Variants in CEP295 observed in about 807,000 individuals in gnomAD.
CEP295 encodes centrosomal protein of 295 kDa.
A neutral mutation model predicts 291.6 loss-of-function variants in CEP295; 190 were observed. The ratio of observed to expected loss-of-function variants is 0.65; its 90% CI spans 0.58 to 0.73. The LOEUF (loss-of-function observed/expected upper bound fraction) is 0.73. CEP295 is among the 30% of genes least tolerant of loss of function. The pLI, the probability that CEP295 is intolerant of heterozygous loss-of-function variation, is 0.00. For synonymous variants in CEP295, 993 were observed against 1,038.8 expected (o/e 0.96, Z 0.85); for missense variants, 2,863 against 2,949.4 (o/e 0.97, Z 0.68).
intron 18 of CEP295, among the ~76,000 whole-genome samples, chr11:93,710,229 T>C (rs902805981): frequency 2.0e-5 from 3 of 152,346 alleles, no homozygotes; most frequent in Admixed American, 2.0e-4. Flanking sequence ...GGAAAGGCTT[T>C]CAGGTTTTCC....
intron 25 of CEP295, 60 bp downstream of exon 25, chr11:93,728,881 T>C: frequency 7.0e-7 from 1 of 1,420,152 alleles, no homozygotes; most frequent in Non-Finnish European, 9.4e-7. Context: ...GATTTGTCTC[T>C]TACAACTTAT....
chr11:93,720,466 T>A (rs1302031369), intron 18 of CEP295, among the ~76,000 whole-genome samples: 2 of 61,650 alleles, frequency 3.2e-5, no homozygotes, highest in Admixed American at 2.6e-4. Flanking sequence ...AGAGCGAGAG[T>A]CTGCCTCAAA....
chr11:93,701,996 G>C (rs1407461305), intron 15 of CEP295, among the ~76,000 whole-genome samples: 1 of 151,638 alleles, frequency 6.6e-6, no homozygotes, highest in Non-Finnish European at 1.5e-5. Context: ...CTGCTGCCCA[G>C]GCTGCAGGCT....
chr11:93,683,414 A>G (rs967186278), intron 7 of CEP295, 145 bp from the exon 8 acceptor site: 1 of 610,586 alleles, frequency 1.6e-6, no homozygotes. Flanking sequence ...TTGAATGAAT[A>G]AATGTCTGTC....
chr11:93,721,620 G>T (rs1433342240), intron 19 of CEP295: 2 of 750,738 alleles, frequency 2.7e-6, no homozygotes, highest in South Asian at 1.4e-5. Flanking sequence ...ACAGTTCTGA[G>T]AAGCAAAACT....
In CEP295 at chr11:93,675,676, TTA is replaced by T; in HGVS notation, c.624+12_624+13del. On this transcript the variant is annotated intron_variant, in intron 6 of 29. Transcript: ENST00000325212. Reference sequence around the variant, plus strand: ...GACAGACACAAAACGGGTGATTGACTTATTGTTTCTTCATGCCCTCGCTTTAT... The same window carrying T: ...GACAGACACAAAACGGGTGATTGACTTTGTTTCTTCATGCCCTCGCTTTAT... The T allele has an allele frequency of 1.6e-6, 2 of 1,277,286 alleles. No homozygotes were observed. The highest frequency in any genetic ancestry group is 1.4e-5 in the South Asian group (1 of 69,560). The allele number at this position is 1,277,286 out of a possible 1,614,324, so 79.1% of individuals were successfully genotyped here.
At chr11:93,728,342 C>T (rs532258194) in intron 24 of CEP295, 1 of 182,598 alleles carries the variant, frequency 5.5e-6, no homozygotes, top group South Asian at 1.5e-4. Flanking sequence ...CCCCTGCTCC[C>T]TTTAAAGGAT....
At chr11:93,674,389 C>T (rs931172912) in intron 5 of CEP295, among the ~76,000 whole-genome samples, 1 of 152,148 alleles carries the variant, frequency 6.6e-6, no homozygotes, top group Non-Finnish European at 1.5e-5. Flanking sequence ...TCCCTCCCAA[C>T]CTGTGTTGCA....
chr11:93,676,683 A>G (rs1272821793), intron 6 of CEP295, among the ~76,000 whole-genome samples: 1 of 152,020 alleles, frequency 6.6e-6, no homozygotes, highest in East Asian at 1.9e-4. Context: ...TTTGTTGCTA[A>G]CTGCTTTACT....
intron 1 of CEP295, among the ~76,000 whole-genome samples, chr11:93,665,955 T>G (rs755355429): frequency 2.6e-5 from 4 of 152,216 alleles, no homozygotes; most frequent in Non-Finnish European, 4.4e-5. Context: ...GAACAAGTTA[T>G]GAAGGTTCTA....
intron 25 of CEP295, chr11:93,729,098 A>C (rs562338831): frequency 2.0e-6 from 1 of 495,612 alleles, no homozygotes; most frequent in Admixed American, 3.6e-5. Context: ...AGTTTTACCT[A>C]AACTTATTCC....
At chr11:93,662,772 A>G (rs1367638769) in intron 1 of CEP295, among the ~76,000 whole-genome samples, 2 of 152,230 alleles carry the variant, frequency 1.3e-5, no homozygotes, top group African/African-American at 4.8e-5. Flanking sequence ...GATGAAAAGC[A>G]TATTTCTGTA....
intron 18 of CEP295, among the ~76,000 whole-genome samples, chr11:93,719,113 ATAAAG>A (rs1249103192): frequency 1.3e-5 from 2 of 151,842 alleles, no homozygotes; most frequent in African/African-American, 4.8e-5. Flanking sequence ...CTCAAAAAAA[ATAAAG>A]ACAAAGATTT....
intron 9 of CEP295, among the ~76,000 whole-genome samples, chr11:93,685,897 G>A (rs1484604913): frequency 6.6e-6 from 1 of 152,090 alleles, no homozygotes; most frequent in African/African-American, 2.4e-5. Context: ...TTTTAGCAGA[G>A]ACGGGGTTTC....
chr11:93,699,809 A>C lies in CEP295; in HGVS notation c.4897A>C (p.Asn1633His). The change falls in exon 15 of 30, where the codon AAC (asparagine) becomes CAC (histidine). Residue 1633 changes from asparagine to histidine, a missense_variant. By Grantham distance (68) the Asn-to-His change is moderately conservative. This residue lies in a region of CEP295 where 2,295 missense variants were observed against 2,335.7 expected (regional missense o/e 0.98). Transcript: ENST00000325212. ...ELSLNKQRKL[N>H]KSESAEHTIP... The stretch of plus-strand genomic sequence containing the variant: ...GTCTTTAAACAAACAAAGAAAGTTG[A>C]ACAAAAGTGAATCTGCTGAGCATAC... 6.4e-7 allele frequency: 1 copy of C among 1,552,332 alleles called. No individual in the cohort carries two copies. The highest frequency in any genetic ancestry group is 8.7e-7 in the Non-Finnish European group (1 of 1,147,140).
Position 93,727,266 on chromosome 11 carries a change from A to C in CEP295, c.6790A>C (p.Ser2264Arg). ...QHSTPCGSNS[S>R]ECSTKHQLES... Reference sequence around the variant, plus strand: ...TAGCACTCCATGTGGTTCTAACTCTAGTGAGTGCTCAACAAAACACCAACT... The same window carrying C: ...TAGCACTCCATGTGGTTCTAACTCTCGTGAGTGCTCAACAAAACACCAACT... The change falls in exon 24 of 30, where the codon AGT becomes CGT. Residue 2264 changes from serine (S) to arginine (R), a missense_variant. Around this residue, in one of 3 missense-constraint regions of CEP295, gnomAD observed 2,295 missense variants for 2,335.7 expected, o/e 0.98. Coordinates refer to ENST00000325212, the MANE Select transcript of CEP295 (RefSeq NM_033395.2). The C allele has an allele frequency of 6.4e-7, 1 of 1,551,786 alleles. No individual in the cohort carries two copies. The highest frequency in any genetic ancestry group is 8.7e-7 in the Non-Finnish European group (1 of 1,146,980).
At chr11:93,727,765 G>A (rs568059528) in intron 24 of CEP295, 128 bp downstream of exon 24, 11 of 725,130 alleles carry the variant, frequency 1.5e-5, no homozygotes, top group Non-Finnish European at 2.4e-5. Context: ...TAGGATCAAG[G>A]GATCCTCCTG....
At chr11:93,685,611 G>A (rs1417626173) in intron 9 of CEP295, among the ~76,000 whole-genome samples, 3 of 152,188 alleles carry the variant, frequency 2.0e-5, no homozygotes, top group Non-Finnish European at 4.4e-5. Flanking sequence ...ATGGTTTCAG[G>A]GCTGACTTGC....
In CEP295 at chr11:93,696,364, T is replaced by A; in HGVS notation, c.1716T>A (p.Asp572Glu). The A allele has an allele frequency of 1.3e-6, 2 of 1,550,872 alleles. No homozygotes were observed. Among genetic ancestry groups the A allele is most frequent in the Non-Finnish European group, 1.7e-6 (2 of 1,146,474 alleles). Residue 572 changes from aspartate (D) to glutamate (E), a missense_variant, in exon 14 of 30, where the codon GAT becomes GAA. This residue lies in a region of CEP295 where 2,295 missense variants were observed against 2,335.7 expected (regional missense o/e 0.98). Transcript: ENST00000325212. ...CATGCCCTGTAATTTCTGATGAAGA[T>A]AGTCATAGGCAGATGATTCGTAACT... ...PASCPVISDEDSHRQMIRNYQ... is the reference protein window; with the variant it reads ...PASCPVISDEESHRQMIRNYQ...
Sources: gnomAD v4.1 joint callset for allele counts (sites outside exome capture counted in the v4.1 genomes callset) on GRCh38, gnomAD v4.1.1 for gene constraint, gnomAD v4.1.1 regional missense constraint, MANE v1.5 for transcripts, NCBI Gene and HGNC (gene_info 2026-07-23, HGNC 2026-07-21) for gene names.